EDA: variants seen among roughly 807,000 people sequenced by gnomAD.
EDA encodes the protein ectodysplasin A, also known as ectodysplasin-A.
EDA carries 2 observed loss-of-function variants against 23.6 expected under a neutral mutation model. The observed-to-expected ratio is 0.08, with a 90% confidence interval of 0.03 to 0.27. The LOEUF is 0.27. EDA is among the 10% of genes least tolerant of loss of function. The pLI is 1.00. For missense variants in EDA, 229 were observed against 324.2 expected, an observed-to-expected ratio of 0.71 and a Z score of 2.26; for synonymous variants, 131 against 132.0, an observed-to-expected ratio of 0.99 and a Z score of 0.05.
intron 1 of EDA, among the ~76,000 whole-genome samples, chrX:69,619,354 G>C (rs1932095499): frequency 8.9e-6 from 1 of 112,009 alleles, no homozygotes; most frequent in Non-Finnish European, 1.9e-5. Flanking sequence ...GTAGGCAAAA[G>C]TAAACCTATC....
chrX:69,678,709 A>G (rs946855656), intron 1 of EDA, among the ~76,000 whole-genome samples: 4 of 103,877 alleles, frequency 3.9e-5, no homozygotes, highest in Non-Finnish European at 7.8e-5. Flanking sequence ...TTATCAGCTT[A>G]AGGAGATTTT....
chrX:69,715,891 G>T (rs1396111230), intron 1 of EDA, among the ~76,000 whole-genome samples: 1 of 111,190 alleles, frequency 9.0e-6, no homozygotes, highest in Non-Finnish European at 1.9e-5. Context: ...CTTTTGAAAA[G>T]TGTCTGTTCA....
intron 1 of EDA, among the ~76,000 whole-genome samples, chrX:69,619,385 C>T (rs779213847): frequency 8.9e-6 from 1 of 111,813 alleles, no homozygotes; most frequent in African/African-American, 3.3e-5. Context: ...AGATGATGGG[C>T]TCTGGGCTCT....
At chrX:69,988,419 A>G (rs2019536390) in intron 2 of EDA, among the ~76,000 whole-genome samples, 1 of 112,505 alleles carries the variant, frequency 8.9e-6, no homozygotes, top group African/African-American at 3.2e-5. Flanking sequence ...TTGTAACACA[A>G]AGGATAAATG....
At chrX:69,703,268 C>G (rs915398965) in intron 1 of EDA, among the ~76,000 whole-genome samples, 4 of 111,385 alleles carry the variant, frequency 3.6e-5, no homozygotes, top group African/African-American at 1.3e-4. Flanking sequence ...CCCTGTTAAC[C>G]AGGCTCCCAG....
intron 1 of EDA, among the ~76,000 whole-genome samples, chrX:69,822,444 T>C (rs2016251893): frequency 9.0e-6 from 1 of 111,087 alleles, no homozygotes; most frequent in Non-Finnish European, 1.9e-5. Flanking sequence ...CCCCAAACAG[T>C]GGTCAAAGGA....
chrX:70,012,765 A>G (rs944856292), intron 2 of EDA, among the ~76,000 whole-genome samples: 3 of 112,314 alleles, frequency 2.7e-5, no homozygotes, highest in Non-Finnish European at 5.6e-5. Flanking sequence ...AAGCAGCCAG[A>G]CTGTTTTCCA....
intron 1 of EDA, among the ~76,000 whole-genome samples, chrX:69,934,849 G>A (rs779657997): frequency 9.0e-6 from 1 of 110,826 alleles, no homozygotes; most frequent in South Asian, 3.8e-4. Context: ...TACAATGATT[G>A]TTGACTGTAG....
intron 1 of EDA, among the ~76,000 whole-genome samples, chrX:69,913,127 T>G (rs2018292293): frequency 8.9e-6 from 1 of 112,213 alleles, no homozygotes; most frequent in Non-Finnish European, 1.9e-5. Flanking sequence ...AGAATTGGCT[T>G]CAACTTAAAA....
chrX:69,770,823 T>G (rs1602387685), intron 1 of EDA, among the ~76,000 whole-genome samples: 1 of 57,586 alleles, frequency 1.7e-5, no homozygotes, highest in Non-Finnish European at 5.0e-5. Context: ...TTTGCTCATA[T>G]TTTTTTTCTA....
In EDA at chrX:69,616,502, G is replaced by T. The variant is rs1390827782; in HGVS notation, c.194G>T (p.Arg65Leu). ...LLTLCCYLEL[R>L]SELRRERGAE... The stretch of plus-strand genomic sequence containing the variant: ...ACGTTGTGCTGCTACCTAGAGTTGC[G>T]CTCGGAGTTGCGGCGGGAACGTGGA... Residue 65 changes from arginine (R) to leucine (L), a missense_variant, in exon 1 of 8, where the codon CGC (arginine) becomes CTC (leucine). By Grantham distance (102) the Arg-to-Leu change is moderately radical. Transcript: ENST00000374552. 1 of 1,211,851 alleles carries T rather than the reference G, an allele frequency of 8.3e-7. No homozygotes were observed. Among genetic ancestry groups the T allele is most frequent in the Non-Finnish European group, 1.1e-6 (1 of 895,440 alleles).
intron 1 of EDA, among the ~76,000 whole-genome samples, chrX:69,667,436 C>G (rs1034333692): frequency 9.0e-6 from 1 of 110,766 alleles, no homozygotes; most frequent in African/African-American, 3.3e-5. Context: ...TCTTAAGTGT[C>G]TTATAATTTT....
At chrX:69,969,912 C>T (rs960935788) in intron 2 of EDA, among the ~76,000 whole-genome samples, 2 of 110,878 alleles carry the variant, frequency 1.8e-5, no homozygotes, top group African/African-American at 3.3e-5. Context: ...TGAGACCAGC[C>T]GGGGAACATA....
chrX:69,688,654 G>C (rs1475909297), intron 1 of EDA, among the ~76,000 whole-genome samples: 1 of 111,389 alleles, frequency 9.0e-6, no homozygotes, highest in Non-Finnish European at 1.9e-5. Context: ...GCCCATCTTG[G>C]CCTCCTGAAG....
At chrX:69,951,055 A>C (rs765598743) in intron 1 of EDA, among the ~76,000 whole-genome samples, 150 of 106,860 alleles carry the variant, frequency 1.4e-3, no homozygotes, top group African/African-American at 5.0e-3. Context: ...ACTAACCTGC[A>C]CATTGTGCAC....
chrX:69,768,984 T>C (rs769030020), intron 1 of EDA, among the ~76,000 whole-genome samples: 56 of 112,216 alleles, frequency 5.0e-4, no homozygotes, highest in African/African-American at 1.6e-3. Context: ...AAATACTTAA[T>C]GATTTTCTAG....
At chrX:69,697,054 T>C (rs2011371728) in intron 1 of EDA, among the ~76,000 whole-genome samples, 1 of 111,454 alleles carries the variant, frequency 9.0e-6, no homozygotes, top group Non-Finnish European at 1.9e-5. Context: ...CTTGTATTGG[T>C]TCGAACCCCA....
At chrX:69,699,985 G>A (rs182468231) in intron 1 of EDA, among the ~76,000 whole-genome samples, 1 of 110,925 alleles carries the variant, frequency 9.0e-6, no homozygotes, top group Non-Finnish European at 1.9e-5. Flanking sequence ...AGAGGCAGGA[G>A]GGACTAGAGG....
At chrX:70,029,880 T>C (rs772156314) in intron 5 of EDA, among the ~76,000 whole-genome samples, 2 of 112,341 alleles carry the variant, frequency 1.8e-5, no homozygotes, top group Non-Finnish European at 3.8e-5. Context: ...CCAGACACCT[T>C]GCCGGCTCTC....
Sources: allele counts gnomAD v4.1 joint callset (sites outside exome capture counted in the v4.1 genomes callset), GRCh38; gene constraint gnomAD v4.1.1; transcripts MANE v1.5; gene names NCBI Gene and HGNC (gene_info 2026-07-23, HGNC 2026-07-21).